ANO2: variants seen among roughly 807,000 people sequenced by gnomAD.
ANO2 encodes the protein anoctamin 2.
A neutral mutation model predicts 124.2 loss-of-function variants in ANO2; 101 were observed. That is an observed-to-expected ratio of 0.81 (90% CI 0.69 to 0.96). ANO2 has a LOEUF of 0.96. ANO2 is among the 40% of genes least tolerant of loss of function. The pLI is 0.00. For missense variants in ANO2, 1,293 were observed against 1,274.5 expected (o/e 1.01, Z -0.22); for synonymous variants, 486 against 482.5 (o/e 1.01, Z -0.09).
In ANO2 at chr12:5,636,605, T is replaced by TACACACAC. The variant is rs61059041; in HGVS notation, c.1621-1266_1621-1259dup. On this transcript the variant is annotated intron_variant, in intron 15 of 24. Coordinates refer to ENST00000682330, the MANE Select transcript of ANO2 (RefSeq NM_001364791.2). This position sits in a 1 kb window ranked among gnomAD's most constrained non-coding sequence, Gnocchi z 4.6. ...CCTGAAAAAATAAGCTGTGCTGGACTACACACACACACACACACACACACA... is the reference window on the plus strand; with the variant it reads ...CCTGAAAAAATAAGCTGTGCTGGACTACACACACACACACACACACACACACACACACA... 0.079 allele frequency among the ~76,000 whole-genome samples: 9,390 copies of TACACACAC among 118,432 alleles called. 553 individuals are homozygous for TACACACAC. Among genetic ancestry groups the TACACACAC allele is most frequent in the East Asian group, 0.13 (455 of 3,570 alleles). The allele number at this position is 118,432 out of a possible 152,430, so 77.7% of individuals were successfully genotyped here. A position where few individuals can be genotyped will look rare whatever the true frequency, so the allele number is the denominator to read the frequency against.
rs1055182783 is a variant in ANO2 at position 5,923,143 on chromosome 12, T to C, written c.23-339A>G. 3.9e-4 allele frequency among the ~76,000 whole-genome samples: 17 copies of C among 43,410 alleles called. 2 individuals carry two copies. Among genetic ancestry groups the C allele is most frequent in the East Asian group, 1.1e-3 (2 of 1,864 alleles). 28.5% of individuals were successfully genotyped at this position (43,410 alleles called of 152,430 possible). On this transcript the variant is annotated intron_variant, in intron 1 of 24. Transcript: ENST00000682330. ...GCACACACACCCACATACACACACA[T>C]GCACACATACACACACGCATACACA...
At chr12:5,760,456 A>G (rs1458397914) in intron 10 of ANO2, among the ~76,000 whole-genome samples, 1 of 152,216 alleles carries the variant, frequency 6.6e-6, no homozygotes. Flanking sequence ...TTTATATTTT[A>G]AAAAGAAATT....
At chr12:5,720,722 C>T (rs970948982) in intron 14 of ANO2, among the ~76,000 whole-genome samples, 18 of 152,324 alleles carry the variant, frequency 1.2e-4, no homozygotes, top group African/African-American at 4.3e-4. Context: ...TCTGGATCCA[C>T]AGCTTCTCCT....
chr12:5,661,867 G>C (rs534592147), intron 14 of ANO2, among the ~76,000 whole-genome samples: 1 of 152,330 alleles, frequency 6.6e-6, no homozygotes, highest in South Asian at 2.1e-4. Context: ...CTGTATTCCT[G>C]TGGCTTGTTC....
At position 5,906,363 on chromosome 12, in the gene ANO2, AG is replaced by A. The variant is rs1565767920; in HGVS notation, c.534+14676del. On this transcript the variant is annotated intron_variant, in intron 3 of 24. Transcript: ENST00000682330. Reference sequence around the variant, plus strand: ...ACACATTGTTAAAAAAAAAAAAAAAAGAAAAAGAAAAAAAGAGGCCATCCAT... The same window carrying A: ...ACACATTGTTAAAAAAAAAAAAAAAAAAAAAGAAAAAAAGAGGCCATCCAT... Among the ~76,000 whole-genome samples the A allele has an allele frequency of 3.4e-3, 515 of 149,964 alleles. 4 individuals carry two copies. The highest frequency in any genetic ancestry group is 0.012 in the African/African-American group (488 of 40,184).
chr12:5,608,962 G>T (rs763869685), intron 19 of ANO2: 1 of 152,234 alleles, frequency 6.6e-6, no homozygotes, highest in Non-Finnish European at 1.5e-5. Context: ...GTACTGGGAA[G>T]GCTGGTGTTT....
At chr12:5,928,686 G>A (rs1387083224) in intron 1 of ANO2, among the ~76,000 whole-genome samples, 6 of 122,986 alleles carry the variant, frequency 4.9e-5, no homozygotes, top group African/African-American at 7.0e-5. Context: ...TTCCTTACTC[G>A]TCTACCTTCT....
intron 14 of ANO2, among the ~76,000 whole-genome samples, chr12:5,712,938 G>A (rs1269540119): frequency 6.6e-6 from 1 of 152,204 alleles, no homozygotes; most frequent in Non-Finnish European, 1.5e-5. Flanking sequence ...GCCACATAGA[G>A]CCTTGTGGGT....
intron 14 of ANO2, among the ~76,000 whole-genome samples, chr12:5,655,959 G>C (rs919718753): frequency 7.9e-5 from 12 of 152,184 alleles, no homozygotes; most frequent in African/African-American, 7.2e-5. Flanking sequence ...TCTTGACAGA[G>C]AGTTCAAGTA....
At chr12:5,805,078 A>C (rs1373409285) in intron 9 of ANO2, among the ~76,000 whole-genome samples, 1 of 152,166 alleles carries the variant, frequency 6.6e-6, no homozygotes, top group African/African-American at 2.4e-5. Context: ...AGATGAGGTT[A>C]AGACATCGCA....
chr12:5,766,630 G>T (rs1330135280), intron 10 of ANO2, among the ~76,000 whole-genome samples: 1 of 152,168 alleles, frequency 6.6e-6, no homozygotes, highest in Non-Finnish European at 1.5e-5. Flanking sequence ...CATGGAAGAT[G>T]CAGGAAGCTG....
intron 14 of ANO2, among the ~76,000 whole-genome samples, chr12:5,716,975 G>T (rs1190253976): frequency 6.6e-6 from 1 of 152,208 alleles, no homozygotes; most frequent in African/African-American, 2.4e-5. Flanking sequence ...GCATGAATGT[G>T]GCATCAGAAT....
intron 9 of ANO2, among the ~76,000 whole-genome samples, chr12:5,803,358 T>A (rs1167854276): frequency 6.6e-6 from 1 of 152,172 alleles, no homozygotes; most frequent in Non-Finnish European, 1.5e-5. Context: ...GGAAGGCAAG[T>A]CTTAAAATGC....
intron 4 of ANO2, among the ~76,000 whole-genome samples, chr12:5,841,522 T>C (rs1024696063): frequency 1.4e-4 from 22 of 152,368 alleles, no homozygotes; most frequent in African/African-American, 5.3e-4. Context: ...AACCAAACTT[T>C]TAAAATTACA....
intron 1 of ANO2, among the ~76,000 whole-genome samples, chr12:5,942,517 T>G (rs1942936689): frequency 6.6e-6 from 1 of 152,196 alleles, no homozygotes; most frequent in Non-Finnish European, 1.5e-5. Context: ...GTCTTCCCTT[T>G]CCCTTTGAAT....
At chr12:5,784,944 C>T (rs1327447200) in intron 10 of ANO2, among the ~76,000 whole-genome samples, 1 of 152,228 alleles carries the variant, frequency 6.6e-6, no homozygotes, top group Non-Finnish European at 1.5e-5. Flanking sequence ...ATGTTCCTAA[C>T]CCCGAGTTCA....
chr12:5,802,890 G>A (rs1322723789), intron 9 of ANO2, among the ~76,000 whole-genome samples: 1 of 152,208 alleles, frequency 6.6e-6, no homozygotes, highest in African/African-American at 2.4e-5. Context: ...AGCCTTTACA[G>A]CAGGAACCAT....
intron 14 of ANO2, among the ~76,000 whole-genome samples, chr12:5,697,373 A>C (rs1339682699): frequency 1.3e-5 from 2 of 152,076 alleles, no homozygotes; most frequent in Admixed American, 1.3e-4. Flanking sequence ...TGGAACTTGC[A>C]GTGAGCCGAG....
intron 14 of ANO2, among the ~76,000 whole-genome samples, chr12:5,691,057 C>T (rs762154544): frequency 1.4e-4 from 21 of 152,016 alleles, no homozygotes; most frequent in Admixed American, 2.6e-4. Context: ...AGGCCAGGTG[C>T]GGTGGCTCAC....
Sources: gnomAD v4.1 joint callset for allele counts (sites outside exome capture counted in the v4.1 genomes callset) on GRCh38, gnomAD v4.1.1 for gene constraint, Gnocchi (gnomAD v3.1) non-coding constraint, MANE v1.5 for transcripts, NCBI Gene and HGNC (gene_info 2026-07-23, HGNC 2026-07-21) for gene names.